Variants in DAB1 observed in about 807,000 individuals in gnomAD.
DAB1 encodes the protein DAB adaptor protein 1.
DAB1 carries 15 observed loss-of-function variants against 64.6 expected under a neutral mutation model. The observed-to-expected ratio is 0.23, with a 90% CI of 0.16 to 0.36. The LOEUF (loss-of-function observed/expected upper bound fraction) is 0.36, where lower values mean the gene tolerates loss of function less well. DAB1 is among the 10% of genes least tolerant of loss of function. The pLI is 1.00. For synonymous variants in DAB1, 235 were observed against 251.9 expected (o/e 0.93, Z 0.64); for missense variants, 596 against 706.7 (o/e 0.84, Z 1.78).
At position 57,782,851 on chromosome 1, in the gene DAB1, G is replaced by A. The variant is rs147103154; in HGVS notation, n.551+101148C>T. On this transcript the variant is annotated intron_variant and non_coding_transcript_variant, in intron 6 of 20. Transcript: ENST00000485760. Reference sequence around the variant, plus strand: ...CATTGCAATAAATAGATTTATTTTCGTTTGAAGCTTGAAAACCACCATCTG... The same window carrying A: ...CATTGCAATAAATAGATTTATTTTCATTTGAAGCTTGAAAACCACCATCTG... Among the ~76,000 whole-genome samples, 328 of 152,176 alleles carry A rather than the reference G, an allele frequency of 2.2e-3. 1 individual carries two copies. Among genetic ancestry groups the A allele is most frequent in the South Asian group, 0.013 (64 of 4,822 alleles).
At chr1:58,223,633 T>G (rs1362361727) in intron 4 of DAB1, among the ~76,000 whole-genome samples, 1 of 152,142 alleles carries the variant, frequency 6.6e-6, no homozygotes, top group East Asian at 1.9e-4. Flanking sequence ...CCAACGAATC[T>G]GAAGAAATTT....
At chr1:57,326,726 G>C (rs1164532142) in intron 1 of DAB1, among the ~76,000 whole-genome samples, 1 of 152,112 alleles carries the variant, frequency 6.6e-6, no homozygotes, top group Admixed American at 6.6e-5. Context: ...ACATTGTAAA[G>C]AGGGAGCTCC....
intron 1 of DAB1, among the ~76,000 whole-genome samples, chr1:57,374,663 C>T (rs1351504223): frequency 1.3e-5 from 2 of 152,172 alleles, no homozygotes; most frequent in South Asian, 2.1e-4. Context: ...AGCCTCTGCC[C>T]ATGAACAGGA....
At chr1:58,330,329 T>C (rs956647253) in intron 4 of DAB1, among the ~76,000 whole-genome samples, 13 of 152,198 alleles carry the variant, frequency 8.5e-5, no homozygotes, top group African/African-American at 2.9e-4. Context: ...AGAAGAAAAG[T>C]TGGATGCTAA....
At chr1:58,519,809 A>T (rs1646233037) in intron 2 of DAB1, among the ~76,000 whole-genome samples, 2 of 152,238 alleles carry the variant, frequency 1.3e-5, no homozygotes, top group South Asian at 4.1e-4. Flanking sequence ...AAAATGGAGA[A>T]TTTCACCAGA....
intron 1 of DAB1, among the ~76,000 whole-genome samples, chr1:57,318,673 GACTCAATATAA>G (rs1675424019): frequency 7.0e-6 from 1 of 143,002 alleles, no homozygotes; most frequent in Non-Finnish European, 1.5e-5. Context: ...AGGGCACGTT[GACTCAATATAA>G]TAAATGCAGT....
chr1:57,125,166 C>A (rs1255331709), intron 4 of DAB1, among the ~76,000 whole-genome samples: 1 of 152,190 alleles, frequency 6.6e-6, no homozygotes, highest in Admixed American at 6.5e-5. Context: ...TTCATCCTTA[C>A]ACATGTTCCG....
At chr1:57,233,888 C>G (rs1667893761) in intron 2 of DAB1, among the ~76,000 whole-genome samples, 1 of 152,114 alleles carries the variant, frequency 6.6e-6, no homozygotes, top group South Asian at 2.1e-4. Context: ...GGAGCTGATT[C>G]ATAAACTGAA....
chr1:58,395,171 G>A (rs1035393463), intron 3 of DAB1, among the ~76,000 whole-genome samples: 1 of 152,132 alleles, frequency 6.6e-6, no homozygotes, highest in Non-Finnish European at 1.5e-5. Context: ...TAAGAAGAAT[G>A]GGGAAGGTTT....
chr1:57,136,209 G>A (rs749307277), intron 4 of DAB1, among the ~76,000 whole-genome samples: 1 of 152,130 alleles, frequency 6.6e-6, no homozygotes, highest in Non-Finnish European at 1.5e-5. Flanking sequence ...TCTCCCTCTA[G>A]GACGTATGTC....
intron 7 of DAB1, among the ~76,000 whole-genome samples, chr1:57,527,263 T>G (rs770415684): frequency 5.9e-5 from 9 of 152,210 alleles, no homozygotes; most frequent in Non-Finnish European, 8.8e-5. Context: ...AGTTCCTCCT[T>G]GGTGATTGGA....
intron 1 of DAB1, chr1:58,536,828 C>T: frequency 1.4e-6 from 1 of 714,626 alleles, no homozygotes; most frequent in Non-Finnish European, 2.5e-6. Context: ...AATTTTACGT[C>T]CTCAAATACC....
chr1:57,901,785 G>A (rs1440084988), intron 5 of DAB1, among the ~76,000 whole-genome samples: 1 of 152,114 alleles, frequency 6.6e-6, no homozygotes, highest in Non-Finnish European at 1.5e-5. Flanking sequence ...GACAGAGGCT[G>A]AATCTGAGCC....
chr1:57,508,280 C>G (rs576797351), intron 7 of DAB1, among the ~76,000 whole-genome samples: 1 of 152,266 alleles, frequency 6.6e-6, no homozygotes, highest in South Asian at 2.1e-4. Context: ...TGAATGAATG[C>G]CTGATGAGGG....
chr1:57,482,492 A>C (rs1380816843), intron 7 of DAB1, among the ~76,000 whole-genome samples: 1 of 151,008 alleles, frequency 6.6e-6, no homozygotes, highest in Non-Finnish European at 1.5e-5. Context: ...AAAAAAAAAA[A>C]AAAAAAAAAA....
At chr1:57,272,342 C>G (rs1178027270) in intron 2 of DAB1, among the ~76,000 whole-genome samples, 10 of 152,344 alleles carry the variant, frequency 6.6e-5, no homozygotes, top group Admixed American at 5.9e-4. Flanking sequence ...ATTGCCACAT[C>G]TAGCACAGAG....
chr1:58,350,186 A>G (rs999501749), intron 3 of DAB1, among the ~76,000 whole-genome samples: 5 of 151,922 alleles, frequency 3.3e-5, no homozygotes, highest in Non-Finnish European at 7.4e-5. Flanking sequence ...TGTGGTTTTG[A>G]TTTGCATTTC....
intron 6 of DAB1, among the ~76,000 whole-genome samples, chr1:57,776,702 C>T (rs911590440): frequency 6.6e-6 from 1 of 151,790 alleles, no homozygotes; most frequent in Non-Finnish European, 1.5e-5. Context: ...TACCATTTCA[C>T]ATGTAATGTA....
chr1:57,134,160 C>T (rs936103155), intron 4 of DAB1, among the ~76,000 whole-genome samples: 1 of 152,148 alleles, frequency 6.6e-6, no homozygotes, highest in Non-Finnish European at 1.5e-5. Context: ...CATTTAACTG[C>T]CGACTGATAG....
Sources: allele counts gnomAD v4.1 joint callset (sites outside exome capture counted in the v4.1 genomes callset), GRCh38; gene constraint gnomAD v4.1.1; transcripts MANE v1.5; gene names NCBI Gene and HGNC (gene_info 2026-07-23, HGNC 2026-07-21).